SORCS3: variants seen among roughly 807,000 people sequenced by gnomAD.
The protein encoded by SORCS3 is sortilin related VPS10 domain containing receptor 3, also known as VPS10 domain-containing receptor SorCS3.
SORCS3 carries 57 observed loss-of-function variants against 146.3 expected under a neutral mutation model. That is an observed-to-expected ratio of 0.39 (90% CI 0.31 to 0.49). The LOEUF (loss-of-function observed/expected upper bound fraction) is 0.49. Among genes scored for constraint, SORCS3 ranks in the 20% least tolerant of loss-of-function variants. SORCS3 has a pLI of 0.92. For missense variants in SORCS3, 1,341 were observed against 1,575.5 expected (o/e 0.85, Z 2.52); for synonymous variants, 653 against 618.5 (o/e 1.06, Z -0.83).
chr10:105,070,453 G>T (rs2055549397), intron 5 of SORCS3, among the ~76,000 whole-genome samples: 1 of 152,170 alleles, frequency 6.6e-6, no homozygotes, highest in African/African-American at 2.4e-5. Context: ...GGATCAAGTA[G>T]ATCTGAATCA....
intron 25 of SORCS3, among the ~76,000 whole-genome samples, chr10:105,258,689 C>T (rs1290725504): frequency 6.6e-6 from 1 of 152,192 alleles, no homozygotes; most frequent in Non-Finnish European, 1.5e-5. Flanking sequence ...GGTCAACTTA[C>T]TAATGTAGGC....
At chr10:104,925,006 C>A (rs1022531416) in intron 3 of SORCS3, among the ~76,000 whole-genome samples, 1 of 152,108 alleles carries the variant, frequency 6.6e-6, no homozygotes, top group Admixed American at 6.6e-5. Flanking sequence ...CCTATCAACC[C>A]GTCATCTAGG....
At chr10:104,730,076 A>G (rs1206420532) in intron 1 of SORCS3, among the ~76,000 whole-genome samples, 2 of 152,168 alleles carry the variant, frequency 1.3e-5, no homozygotes, top group Non-Finnish European at 2.9e-5. Context: ...TGTCCCTGCT[A>G]TTGGGAATGA....
chr10:104,905,425 G>A (rs1327697862), intron 2 of SORCS3, among the ~76,000 whole-genome samples: 1 of 152,154 alleles, frequency 6.6e-6, no homozygotes, highest in Non-Finnish European at 1.5e-5. Flanking sequence ...TGGTAAAACT[G>A]GTCCAGCACA....
chr10:105,089,778 G>A lies in SORCS3; in HGVS notation c.1032G>A (p.Ser344=), dbSNP rs201042825. 6.2e-6 allele frequency: 10 copies of A among 1,613,890 alleles called. No individual in the cohort carries two copies. The Admixed American group carries it at 8.3e-5, about 13-fold the overall frequency. Residue 344 remains serine (S), a synonymous_variant, in exon 6 of 27, where the codon TCG becomes TCA. Transcript: ENST00000369701. ...TGTCTCTCCCTTCCTTTCCCAGGTCGGTGGCCGGATTGGATAAGGAGGCGG... is the reference window on the plus strand; with the variant it reads ...TGTCTCTCCCTTCCTTTCCCAGGTCAGTGGCCGGATTGGATAAGGAGGCGG... ...ERITPNRFYW[S]VAGLDKEADL... is the part of the protein sequence containing the mutation.
intron 1 of SORCS3, among the ~76,000 whole-genome samples, chr10:104,756,721 G>A (rs984247208): frequency 2.6e-5 from 4 of 152,204 alleles, no homozygotes; most frequent in Non-Finnish European, 4.4e-5. Flanking sequence ...AGATGGCACC[G>A]ATCCTCAGAC....
chr10:105,102,648 A>G (rs1395484355), intron 6 of SORCS3, among the ~76,000 whole-genome samples: 2 of 152,160 alleles, frequency 1.3e-5, no homozygotes, highest in East Asian at 1.9e-4. Flanking sequence ...GCCTATGCAC[A>G]TGTGCATCCT....
Position 104,911,738 on chromosome 10 carries a change from C to A in SORCS3, c.696-4095C>A, listed in dbSNP as rs2018970581. Among the ~76,000 whole-genome samples the A allele has an allele frequency of 2.0e-5, 3 of 152,092 alleles. No homozygotes were observed. The South Asian group carries it at 6.2e-4, about 32-fold the overall frequency. On this transcript the variant is annotated intron_variant, in intron 2 of 26. Transcript: ENST00000369701. ...GCTTGACAAAGATGCTTTCCTTAAC[C>A]AAACTTGAGTTAGGATCCTCTGAGC... is the stretch of plus-strand genomic sequence containing the variant.
chr10:105,118,610 G>T (rs1480124990), intron 7 of SORCS3, among the ~76,000 whole-genome samples: 1 of 152,154 alleles, frequency 6.6e-6, no homozygotes, highest in East Asian at 1.9e-4. Context: ...GCTTCCTAGA[G>T]ACTTGTGGAA....
chr10:104,678,532 T>C (rs1212101972), intron 1 of SORCS3, among the ~76,000 whole-genome samples: 2 of 152,182 alleles, frequency 1.3e-5, no homozygotes, highest in Non-Finnish European at 2.9e-5. Flanking sequence ...ACTGGATGTG[T>C]CCACATGTTT....
chr10:105,105,039 A>G (rs2055811424), intron 6 of SORCS3, among the ~76,000 whole-genome samples: 1 of 152,200 alleles, frequency 6.6e-6, no homozygotes, highest in Non-Finnish European at 1.5e-5. Flanking sequence ...CTAGAGAATT[A>G]GAATTCTCTA....
At chr10:105,256,782 A>ATATCTGTCCTTTTCCT (rs2056933916) in intron 24 of SORCS3, 37 bp from the exon 25 acceptor site, 1 of 1,509,506 alleles carries the variant, frequency 6.6e-7, no homozygotes, top group Admixed American at 1.7e-5. Flanking sequence ...CCAAGTGAGC[A>ATATCTGTCCTTTTCCT]TATCTGTTCT....
At chr10:104,758,289 A>G (rs1259327471) in intron 1 of SORCS3, among the ~76,000 whole-genome samples, 3 of 152,124 alleles carry the variant, frequency 2.0e-5, no homozygotes, top group African/African-American at 7.2e-5. Context: ...GAGGGCAATG[A>G]TCTTTAACTC....
intron 3 of SORCS3, among the ~76,000 whole-genome samples, chr10:104,919,930 A>G (rs1244038967): frequency 2.0e-5 from 3 of 152,218 alleles, no homozygotes; most frequent in African/African-American, 7.2e-5. Flanking sequence ...AGAAAATTTG[A>G]TATAAATAAA....
At chr10:105,049,017 G>A (rs1283656697) in intron 5 of SORCS3, among the ~76,000 whole-genome samples, 2 of 151,956 alleles carry the variant, frequency 1.3e-5, no homozygotes, top group South Asian at 2.1e-4. Flanking sequence ...ATGATCATAA[G>A]TAATGGTTTT....
intron 5 of SORCS3, among the ~76,000 whole-genome samples, chr10:105,083,047 T>C (rs1434344326): frequency 6.6e-6 from 1 of 152,142 alleles, no homozygotes; most frequent in Non-Finnish European, 1.5e-5. Context: ...CCTATGAACT[T>C]TTTAAATGTT....
chr10:105,016,136 T>TAA (rs1564735341), intron 4 of SORCS3, among the ~76,000 whole-genome samples: 1 of 106,282 alleles, frequency 9.4e-6, no homozygotes, highest in African/African-American at 4.7e-5. Context: ...ATTATATAAA[T>TAA]ATATATATAT....
chr10:105,104,601 T>A (rs1192761283), intron 6 of SORCS3, among the ~76,000 whole-genome samples: 1 of 152,220 alleles, frequency 6.6e-6, no homozygotes, highest in Non-Finnish European at 1.5e-5. Flanking sequence ...GCATTCTTGT[T>A]GTAAAAATAA....
intron 4 of SORCS3, among the ~76,000 whole-genome samples, chr10:105,025,665 T>C (rs894912464): frequency 7.9e-5 from 12 of 152,114 alleles, no homozygotes; most frequent in African/African-American, 2.7e-4. Context: ...AGCTTTTTCT[T>C]TTAATAGTCG....
Sources: allele counts gnomAD v4.1 joint callset (sites outside exome capture counted in the v4.1 genomes callset), GRCh38; gene constraint gnomAD v4.1.1; transcripts MANE v1.5; gene names NCBI Gene and HGNC (gene_info 2026-07-23, HGNC 2026-07-21).